The following CPEB3 variants were observed in gnomAD, a reference collection of about 807,000 sequenced individuals.
CPEB3 encodes the protein cytoplasmic polyadenylation element-binding protein 3.
A neutral mutation model predicts 67.2 loss-of-function variants in CPEB3; 20 were observed. The ratio of observed to expected loss-of-function variants is 0.30; its 90% confidence interval spans 0.21 to 0.43. The LOEUF is 0.43. CPEB3 is among the 20% of genes least tolerant of loss of function. CPEB3 has a pLI of 1.00. For missense variants in CPEB3, 746 were observed against 968.6 expected (o/e 0.77, Z 3.05); for synonymous variants, 376 against 393.1 (o/e 0.96, Z 0.51).
At chr10:92,238,683 T>A (rs1282802835) in intron 2 of CPEB3, among the ~76,000 whole-genome samples, 1 of 152,146 alleles carries the variant, frequency 6.6e-6, no homozygotes, top group Non-Finnish European at 1.5e-5. Context: ...CCCTTAGAAT[T>A]TCCACTCTTC....
chr10:92,139,277 C>T (rs2133797879), intron 6 of CPEB3, among the ~76,000 whole-genome samples: 1 of 139,848 alleles, frequency 7.2e-6, no homozygotes, highest in Admixed American at 7.0e-5. Context: ...AACTCCATCT[C>T]ACACACACAC....
At position 92,052,538 on chromosome 10, in the gene CPEB3, A is replaced by C. The variant is rs74149359; in HGVS notation, c.1870-99T>G. 2.5e-3 allele frequency: 2,422 copies of C among 984,728 alleles called. 47 individuals are homozygous for C. The African/African-American group carries it at 0.033, about 14-fold the overall frequency. 61.0% of individuals were successfully genotyped at this position (984,728 alleles called of 1,614,324 possible). ...ACACTATAGCTTCAACGTATGTCTC[A>C]ATCAGACGCTGCTTTCAACTCTGCT... On this transcript the variant is annotated intron_variant, in intron 9 of 9. Coordinates refer to ENST00000265997, the MANE Select transcript of CPEB3 (RefSeq NM_014912.5).
intron 2 of CPEB3, among the ~76,000 whole-genome samples, chr10:92,217,453 A>T (rs1181769587): frequency 6.6e-6 from 1 of 152,144 alleles, no homozygotes; most frequent in African/African-American, 2.4e-5. Context: ...TGAATACTCA[A>T]GAAATCAAAT....
At chr10:92,215,627 G>A (rs1384789125) in intron 2 of CPEB3, among the ~76,000 whole-genome samples, 3 of 151,302 alleles carry the variant, frequency 2.0e-5, no homozygotes, top group Non-Finnish European at 4.4e-5. Flanking sequence ...ATTTTTAGTA[G>A]AGATGGGGTT....
chr10:92,231,766 C>T (rs962217487), intron 2 of CPEB3, among the ~76,000 whole-genome samples: 3 of 152,146 alleles, frequency 2.0e-5, no homozygotes, highest in African/African-American at 7.2e-5. Context: ...GTCACCCAGG[C>T]TGGAGTGCAA....
intron 2 of CPEB3, chr10:92,216,277 A>C: frequency 6.7e-7 from 1 of 1,491,576 alleles, no homozygotes; most frequent in Non-Finnish European, 9.1e-7. Flanking sequence ...CTCTACTAAA[A>C]ACATAAAATT....
chr10:92,121,869 G>A (rs1364003363), intron 6 of CPEB3, among the ~76,000 whole-genome samples: 1 of 152,130 alleles, frequency 6.6e-6, no homozygotes, highest in African/African-American at 2.4e-5. Context: ...GAAACCTAAA[G>A]GGCACTGCTC....
chr10:92,107,184 T>C (rs1333561904), intron 7 of CPEB3, among the ~76,000 whole-genome samples: 4 of 152,224 alleles, frequency 2.6e-5, no homozygotes, highest in African/African-American at 4.8e-5. Context: ...TACCATTCTT[T>C]TCGATTTTCA....
chr10:92,147,250 G>C (rs962289268), intron 4 of CPEB3, among the ~76,000 whole-genome samples: 2 of 152,176 alleles, frequency 1.3e-5, no homozygotes, highest in African/African-American at 4.8e-5. Flanking sequence ...GAGTCCAGGA[G>C]TTCAAGACCA....
intron 6 of CPEB3, among the ~76,000 whole-genome samples, chr10:92,121,411 G>A (rs566319868): frequency 1.4e-4 from 20 of 148,086 alleles, no homozygotes; most frequent in South Asian, 2.1e-4. Flanking sequence ...GAGAGACAGC[G>A]CGTGAGCGAG....
intron 9 of CPEB3, among the ~76,000 whole-genome samples, chr10:92,072,989 G>A (rs904912256): frequency 4.1e-5 from 6 of 147,032 alleles, no homozygotes; most frequent in African/African-American, 1.5e-4. Context: ...ATTTCAAGAT[G>A]CTAATGACTT....
intron 2 of CPEB3, among the ~76,000 whole-genome samples, chr10:92,211,354 T>G (rs1441813239): frequency 6.6e-6 from 1 of 152,116 alleles, no homozygotes; most frequent in Non-Finnish European, 1.5e-5. Flanking sequence ...ATATGTGTAT[T>G]AATAATGGCA....
chr10:92,089,677 T>C (rs1184181549), intron 8 of CPEB3, among the ~76,000 whole-genome samples: 2 of 151,770 alleles, frequency 1.3e-5, no homozygotes, highest in Admixed American at 1.3e-4. Flanking sequence ...CAACTACTCG[T>C]GAAGCTGAGG....
At chr10:92,066,720 C>T (rs1483186491) in intron 9 of CPEB3, among the ~76,000 whole-genome samples, 2 of 152,142 alleles carry the variant, frequency 1.3e-5, no homozygotes, top group African/African-American at 2.4e-5. Context: ...AAAGCAGGGC[C>T]TCCACCAACA....
At chr10:92,153,162 G>A (rs542560025) in intron 4 of CPEB3, among the ~76,000 whole-genome samples, 1 of 152,144 alleles carries the variant, frequency 6.6e-6, no homozygotes, top group Non-Finnish European at 1.5e-5. Context: ...AAACAAGCAA[G>A]CTCATACAAC....
At chr10:92,132,239 T>C (rs1231002817) in intron 6 of CPEB3, among the ~76,000 whole-genome samples, 1 of 152,108 alleles carries the variant, frequency 6.6e-6, no homozygotes, top group Non-Finnish European at 1.5e-5. Flanking sequence ...CCAATCAATA[T>C]TCAATTCTAA....
chr10:92,238,970 G>A (rs1851675345), intron 2 of CPEB3, among the ~76,000 whole-genome samples: 1 of 152,168 alleles, frequency 6.6e-6, no homozygotes, highest in East Asian at 1.9e-4. Context: ...GAAATGTGTA[G>A]CTACTCAAAA....
chr10:92,234,507 G>C (rs961130815), intron 2 of CPEB3, among the ~76,000 whole-genome samples: 1 of 152,016 alleles, frequency 6.6e-6, no homozygotes, highest in Non-Finnish European at 1.5e-5. Context: ...ACTATTAAGC[G>C]ATGTCCTAGA....
chr10:92,282,331 A>C (rs1000453063), intron 1 of CPEB3, among the ~76,000 whole-genome samples: 27 of 152,234 alleles, frequency 1.8e-4, no homozygotes, highest in African/African-American at 6.5e-4. Flanking sequence ...GATAGGTTTC[A>C]AACAGTCCTC....
Sources: allele counts gnomAD v4.1 joint callset (sites outside exome capture counted in the v4.1 genomes callset), GRCh38; gene constraint gnomAD v4.1.1; transcripts MANE v1.5; gene names NCBI Gene and HGNC (gene_info 2026-07-23, HGNC 2026-07-21).